The following RARB variants were observed in gnomAD, a reference collection of about 807,000 sequenced individuals.
RARB encodes HBV-activated protein.
RARB carries 17 observed loss-of-function variants against 51.9 expected under a neutral mutation model. That is an observed-to-expected ratio of 0.33 (90% CI 0.22 to 0.49). RARB has a LOEUF of 0.49. RARB is among the 20% of genes least tolerant of loss of function. RARB has a pLI of 0.99. For synonymous variants in RARB, 215 were observed against 195.4 expected, an observed-to-expected ratio of 1.10 and a Z score of -0.84; for missense variants, 369 against 550.8, an observed-to-expected ratio of 0.67 and a Z score of 3.30.
chr3:25,029,212 A>C (rs1697818310), intron 2 of RARB, among the ~76,000 whole-genome samples: 1 of 152,178 alleles, frequency 6.6e-6, no homozygotes, highest in Admixed American at 6.5e-5. Context: ...ACTGTCTTGG[A>C]AAAGACTTCA....
At chr3:25,166,065 C>T (rs536016580) in intron 4 of RARB, among the ~76,000 whole-genome samples, 10 of 152,116 alleles carry the variant, frequency 6.6e-5, no homozygotes, top group South Asian at 4.2e-4. Context: ...CTCCCTCACT[C>T]GGTGGTCTAA....
At chr3:24,882,871 AC>A (rs1703194383) in intron 2 of RARB, among the ~76,000 whole-genome samples, 1 of 152,172 alleles carries the variant, frequency 6.6e-6, no homozygotes, top group South Asian at 2.1e-4. Context: ...GGCATATATG[AC>A]AGAACTCTGA....
chr3:24,976,233 T>C (rs1696509384), intron 2 of RARB, among the ~76,000 whole-genome samples: 1 of 152,220 alleles, frequency 6.6e-6, no homozygotes, highest in South Asian at 2.1e-4. Context: ...TGAACATGCA[T>C]GTGCATGTGT....
chr3:24,889,918 A>AAG (rs1703345127), intron 2 of RARB, among the ~76,000 whole-genome samples: 1 of 151,922 alleles, frequency 6.6e-6, no homozygotes, highest in African/African-American at 2.4e-5. Context: ...GAAAAAAAAA[A>AAG]AAAAAGAAAA....
intron 3 of RARB, among the ~76,000 whole-genome samples, chr3:25,075,843 G>C (rs565153030): frequency 6.6e-6 from 1 of 152,086 alleles, no homozygotes; most frequent in African/African-American, 2.4e-5. Context: ...ATGATTTTAG[G>C]CTTATCAACT....
chr3:25,086,853 G>C (rs1196409584), intron 3 of RARB, among the ~76,000 whole-genome samples: 1 of 152,096 alleles, frequency 6.6e-6, no homozygotes, highest in Non-Finnish European at 1.5e-5. Context: ...TTATTATGCA[G>C]ATAAAGCCTC....
chr3:25,556,899 C>T (rs1056648909), intron 3 of RARB, among the ~76,000 whole-genome samples: 1 of 152,150 alleles, frequency 6.6e-6, no homozygotes, highest in Admixed American at 6.5e-5. Context: ...TTTGAATTTC[C>T]ATAATGGATT....
chr3:25,375,095 C>T (rs113727973), intron 5 of RARB, among the ~76,000 whole-genome samples: 5,363 of 152,216 alleles, frequency 0.035, 127 homozygotes, highest in Middle Eastern at 0.065. Context: ...CATTACTCCA[C>T]GGTGCTAGCC....
chr3:24,983,790 G>A (rs1420646342), intron 2 of RARB, among the ~76,000 whole-genome samples: 1 of 151,876 alleles, frequency 6.6e-6, no homozygotes, highest in East Asian at 1.9e-4. Context: ...TATGTGGAAG[G>A]GGGCGATAAG....
chr3:25,355,778 A>G (rs1705714324), intron 5 of RARB, among the ~76,000 whole-genome samples: 2 of 152,150 alleles, frequency 1.3e-5, no homozygotes, highest in South Asian at 4.1e-4. Flanking sequence ...TGTAAGAATC[A>G]CAAGATCCAT....
chr3:24,877,444 G>T lies in RARB; in HGVS notation c.-380+18692G>T, dbSNP rs78101459. Among the ~76,000 whole-genome samples, 86 of 140,840 alleles carry T rather than the reference G, an allele frequency of 6.1e-4. No individual in the cohort carries two copies. The East Asian group carries it at 0.011, about 17-fold the overall frequency. The allele number at this position is 140,840 out of a possible 152,430, so 92.4% of individuals were successfully genotyped here. On this transcript the variant is annotated intron_variant, in intron 2 of 11. Coordinates refer to the RARB transcript ENST00000383772. ...CCAGAACCTTTAAAAGTAGAGTGCA[G>T]GTATGGCTGCAAATGGGAGAATTTG... is the stretch of plus-strand genomic sequence containing the variant.
intron 4 of RARB, among the ~76,000 whole-genome samples, chr3:25,572,475 C>T (rs941170919): frequency 1.4e-4 from 21 of 152,094 alleles, no homozygotes; most frequent in African/African-American, 5.1e-4. Flanking sequence ...GATAACTTTC[C>T]CCTTGTCTCT....
In RARB at chr3:25,142,841, T is replaced by A. The variant is rs558018272; in HGVS notation, c.-280+10633T>A. ...TGTGGTCAAGATGCGGGAGAAAATG[T>A]GGCCACTGAGGAATTGCCGTCTTCA... On this transcript the variant is annotated intron_variant, in intron 4 of 11. Transcript: ENST00000383772. Among the ~76,000 whole-genome samples the A allele has an allele frequency of 4.5e-4, 68 of 152,244 alleles. 1 individual carries two copies. In the South Asian group the frequency reaches 0.014, roughly 32 times the overall value.
intron 5 of RARB, among the ~76,000 whole-genome samples, chr3:25,339,537 C>T (rs1383995320): frequency 6.6e-6 from 1 of 151,572 alleles, no homozygotes; most frequent in Non-Finnish European, 1.5e-5. Context: ...AATCGCAAAT[C>T]GTTTGTTTCT....
chr3:25,120,541 C>CTCTT (rs1699767444), intron 3 of RARB, among the ~76,000 whole-genome samples: 1 of 151,686 alleles, frequency 6.6e-6, no homozygotes, highest in South Asian at 2.1e-4. Context: ...CTCTCTCTCT[C>CTCTT]TCTCTCTCTC....
intron 1 of RARB, among the ~76,000 whole-genome samples, chr3:24,835,772 A>G (rs962057473): frequency 3.3e-5 from 5 of 152,210 alleles, no homozygotes; most frequent in African/African-American, 4.8e-5. Flanking sequence ...CCCAGAAGCC[A>G]CAGTATCTAC....
chr3:25,273,434 C>T (rs1007596224), intron 5 of RARB, among the ~76,000 whole-genome samples: 6 of 152,126 alleles, frequency 3.9e-5, no homozygotes, highest in Non-Finnish European at 8.8e-5. Context: ...CCGGTTATGA[C>T]GAGTTTCTAC....
At chr3:25,530,843 TG>T (rs762437411) in intron 3 of RARB, among the ~76,000 whole-genome samples, 2 of 152,174 alleles carry the variant, frequency 1.3e-5, no homozygotes, top group African/African-American at 2.4e-5. Flanking sequence ...CTGCCTACGG[TG>T]AAGAACTAAA....
intron 3 of RARB, among the ~76,000 whole-genome samples, chr3:25,097,864 C>T (rs1036897991): frequency 1.3e-5 from 2 of 152,110 alleles, no homozygotes; most frequent in African/African-American, 4.8e-5. Context: ...CTTACCCCTA[C>T]TTTAACTTGA....
Sources: gnomAD v4.1 joint callset for allele counts (sites outside exome capture counted in the v4.1 genomes callset) on GRCh38, gnomAD v4.1.1 for gene constraint, MANE v1.5 for transcripts, NCBI Gene and HGNC (gene_info 2026-07-23, HGNC 2026-07-21) for gene names.